The following RABGAP1L variants were observed in gnomAD, a reference collection of about 807,000 sequenced individuals.
RABGAP1L encodes rab GTPase-activating protein 1-like.
In RABGAP1L, 63 loss-of-function variants were observed where a neutral mutation model predicts 137.7. That is an observed-to-expected ratio of 0.46 (90% confidence interval 0.37 to 0.56). The LOEUF is 0.56. Among genes scored for constraint, RABGAP1L ranks in the 20% least tolerant of loss-of-function variants. The pLI, the probability that RABGAP1L is intolerant of heterozygous loss-of-function variation, is 0.00. For missense variants in RABGAP1L, 1,095 were observed against 1,244.0 expected (o/e 0.88, Z 1.80); for synonymous variants, 431 against 433.7 (o/e 0.99, Z 0.08).
intron 15 of RABGAP1L, among the ~76,000 whole-genome samples, chr1:174,687,053 A>G (rs1446485730): frequency 3.9e-5 from 6 of 152,142 alleles, no homozygotes; most frequent in Admixed American, 2.0e-4. Context: ...CAGTGAGAAG[A>G]ATATCTCTCT....
intron 13 of RABGAP1L, among the ~76,000 whole-genome samples, chr1:174,531,888 T>C (rs1664442672): frequency 6.6e-6 from 1 of 152,050 alleles, no homozygotes; most frequent in East Asian, 1.9e-4. Flanking sequence ...AAGGAGACAA[T>C]GGAACATCAT....
At chr1:174,978,167 G>A (rs1273719487) in intron 22 of RABGAP1L, among the ~76,000 whole-genome samples, 1 of 152,078 alleles carries the variant, frequency 6.6e-6, no homozygotes, top group African/African-American at 2.4e-5. Flanking sequence ...GAGCTGCTGG[G>A]CCACAAAAAT....
At chr1:174,299,162 T>C (rs1677420739) in intron 10 of RABGAP1L, among the ~76,000 whole-genome samples, 1 of 152,214 alleles carries the variant, frequency 6.6e-6, no homozygotes, top group Non-Finnish European at 1.5e-5. Context: ...TACATAGGCC[T>C]TTTGGATTGG....
intron 19 of RABGAP1L, among the ~76,000 whole-genome samples, chr1:174,909,236 G>A (rs1329627426): frequency 6.8e-6 from 1 of 147,054 alleles, no homozygotes; most frequent in South Asian, 2.1e-4. Flanking sequence ...TTTTTTGTTT[G>A]TTTTTGAGAG....
intron 24 of RABGAP1L, among the ~76,000 whole-genome samples, chr1:174,984,377 G>A (rs190631415): frequency 1.1e-4 from 16 of 152,304 alleles, no homozygotes; most frequent in Non-Finnish European, 2.4e-4. Context: ...CACATGAAAA[G>A]GAGCTTAAAA....
chr1:174,891,012 G>A (rs1656052393), intron 19 of RABGAP1L, among the ~76,000 whole-genome samples: 1 of 152,190 alleles, frequency 6.6e-6, no homozygotes, highest in African/African-American at 2.4e-5. Context: ...GAACTGCTGG[G>A]TTGAAGGATA....
At chr1:174,620,788 G>A (rs1672380646) in intron 13 of RABGAP1L, among the ~76,000 whole-genome samples, 1 of 150,764 alleles carries the variant, frequency 6.6e-6, no homozygotes, top group African/African-American at 2.5e-5. Flanking sequence ...TAAGATCAGA[G>A]CAGAAATGAA....
At chr1:174,614,392 C>A (rs551856869) in intron 13 of RABGAP1L, among the ~76,000 whole-genome samples, 1 of 152,278 alleles carries the variant, frequency 6.6e-6, no homozygotes, top group East Asian at 1.9e-4. Context: ...GGCCCCCACT[C>A]TCTTCTGGCT....
At chr1:174,460,976 T>C (rs1420841405) in intron 13 of RABGAP1L, among the ~76,000 whole-genome samples, 1 of 152,134 alleles carries the variant, frequency 6.6e-6, no homozygotes, top group Non-Finnish European at 1.5e-5. Flanking sequence ...GATAATCTTC[T>C]CACTATTGTT....
chr1:174,925,045 TAGAG>T (rs1359536876), intron 19 of RABGAP1L, among the ~76,000 whole-genome samples: 8 of 151,638 alleles, frequency 5.3e-5, no homozygotes, highest in Admixed American at 3.9e-4. Flanking sequence ...CATGGCTAGA[TAGAG>T]GGAAGAATTT....
At chr1:174,265,398 A>T (rs1673975559) in intron 7 of RABGAP1L, among the ~76,000 whole-genome samples, 1 of 152,114 alleles carries the variant, frequency 6.6e-6, no homozygotes. Context: ...ATCTGACTGT[A>T]GCTAAGTTCT....
chr1:174,899,341 A>G (rs1330126879), intron 19 of RABGAP1L, among the ~76,000 whole-genome samples: 2 of 152,220 alleles, frequency 1.3e-5, no homozygotes, highest in Non-Finnish European at 2.9e-5. Context: ...GAACTAAATT[A>G]TAAAGAACCC....
chr1:174,347,492 TGTGTGTG>T (rs1558151285), intron 11 of RABGAP1L, among the ~76,000 whole-genome samples: 13 of 149,758 alleles, frequency 8.7e-5, no homozygotes, highest in Middle Eastern at 3.5e-3. Flanking sequence ...TGTGTGTGTG[TGTGTGTG>T]TTTTTTTCTT....
chr1:174,310,129 GTTGT>G (rs1169726239), intron 11 of RABGAP1L, among the ~76,000 whole-genome samples: 2 of 151,916 alleles, frequency 1.3e-5, no homozygotes, highest in Non-Finnish European at 2.9e-5. Flanking sequence ...TGTCTTCTAG[GTTGT>G]TTAACTGTTT....
chr1:174,683,743 G>T (rs939665337), intron 15 of RABGAP1L, 147 bp downstream of exon 15: 99 of 534,262 alleles, frequency 1.9e-4, no homozygotes, highest in Non-Finnish European at 2.5e-4. Context: ...AGGTGATAAA[G>T]TAAGAGATAT....
At chr1:174,640,990 TAGA>T (rs1674491363) in intron 14 of RABGAP1L, among the ~76,000 whole-genome samples, 1 of 145,410 alleles carries the variant, frequency 6.9e-6, no homozygotes, top group African/African-American at 2.5e-5. Flanking sequence ...AATATAATTT[TAGA>T]TTATATTAAT....
At chr1:174,285,855 T>G (rs1676012374) in intron 10 of RABGAP1L, among the ~76,000 whole-genome samples, 1 of 152,206 alleles carries the variant, frequency 6.6e-6, no homozygotes, top group Non-Finnish European at 1.5e-5. Flanking sequence ...CATATGATTT[T>G]TATGTTTTAT....
intron 3 of RABGAP1L, among the ~76,000 whole-genome samples, chr1:174,226,162 C>G (rs562314303): frequency 5.6e-4 from 86 of 152,264 alleles, no homozygotes; most frequent in African/African-American, 2.0e-3. Context: ...TCGGACCACC[C>G]TTAGGTCAAA....
intron 13 of RABGAP1L, among the ~76,000 whole-genome samples, chr1:174,486,223 CT>C (rs201692363): frequency 0.54 from 64,348 of 119,378 alleles, 16,817 homozygotes; most frequent in African/African-American, 0.72. Flanking sequence ...GTTCTTTTTT[CT>C]TTTTTTTTTT....
Sources: gnomAD v4.1 joint callset for allele counts (sites outside exome capture counted in the v4.1 genomes callset) on GRCh38, gnomAD v4.1.1 for gene constraint, MANE v1.5 for transcripts, NCBI Gene and HGNC (gene_info 2026-07-23, HGNC 2026-07-21) for gene names.